The following ATAD1 variants were observed in gnomAD, a reference collection of about 807,000 sequenced individuals.
ATAD1 encodes outer mitochondrial transmembrane helix translocase.
Under a neutral mutation model 42.7 loss-of-function variants are expected in ATAD1, and 18 were observed. The observed-to-expected ratio is 0.42, with a 90% CI of 0.29 to 0.63. ATAD1 has a LOEUF of 0.63. Ranked by LOEUF, ATAD1 falls within the 20% of genes least tolerant of loss-of-function variation. The pLI is 0.19. For synonymous variants in ATAD1, 132 were observed against 143.1 expected, an observed-to-expected ratio of 0.92 and a Z score of 0.55; for missense variants, 294 against 440.4, an observed-to-expected ratio of 0.67 and a Z score of 2.98.
chr10:87,832,809 T>A (rs924332302), intron 1 of ATAD1: 2 of 152,224 alleles, frequency 1.3e-5, no homozygotes, highest in Non-Finnish European at 2.9e-5. Context: ...TTCAGTTTTC[T>A]TTCTTTCCAG....
chr10:87,830,144 G>A (rs1857802251), intron 1 of ATAD1, among the ~76,000 whole-genome samples: 1 of 152,166 alleles, frequency 6.6e-6, no homozygotes, highest in Admixed American at 6.5e-5. Context: ...GCCAAGGCTT[G>A]CAAATGTGAT....
At chr10:87,791,881 CAA>C (rs967119295) in intron 3 of ATAD1, among the ~76,000 whole-genome samples, 1 of 152,088 alleles carries the variant, frequency 6.6e-6, no homozygotes, top group African/African-American at 2.4e-5. Flanking sequence ...AACTGAGACT[CAA>C]AGAGGAAATC....
chr10:87,825,889 T>A (rs1182823401), intron 1 of ATAD1, among the ~76,000 whole-genome samples: 1 of 152,112 alleles, frequency 6.6e-6, no homozygotes, highest in Admixed American at 6.6e-5. Flanking sequence ...TTTTTTTGTT[T>A]AATTTACTAT....
In ATAD1 at chr10:87,792,795, T is replaced by G. The variant is rs768189320; in HGVS notation, c.163-40A>C. ...ACAAACAACCTGCTTTGATTTGATA[T>G]TTAGATACTGGCACTTCGAAATAGA... On this transcript the variant is annotated intron_variant, in intron 2 of 9. Coordinates refer to ENST00000680024, the MANE Select transcript of ATAD1 (RefSeq NM_001321967.2). 12 of 1,436,744 alleles carry G rather than the reference T, an allele frequency of 8.4e-6. No homozygotes were observed. The South Asian group carries it at 1.4e-4, about 16-fold the overall frequency. The allele number at this position is 1,436,744 out of a possible 1,614,324, so 89.0% of individuals were successfully genotyped here.
chr10:87,773,440 C>A (rs779759387), intron 6 of ATAD1, among the ~76,000 whole-genome samples: 1 of 152,104 alleles, frequency 6.6e-6, no homozygotes, highest in Non-Finnish European at 1.5e-5. Context: ...TCTTCATAAT[C>A]ATAGAAAAGA....
chr10:87,786,395 T>C (rs1855834957), intron 4 of ATAD1, among the ~76,000 whole-genome samples: 1 of 152,252 alleles, frequency 6.6e-6, no homozygotes, highest in African/African-American at 2.4e-5. Context: ...ATTATTCATC[T>C]ATCACTTGGA....
intron 5 of ATAD1, among the ~76,000 whole-genome samples, chr10:87,780,204 G>A (rs1361668150): frequency 6.6e-6 from 1 of 152,150 alleles, no homozygotes; most frequent in African/African-American, 2.4e-5. Context: ...AAAGAAGCCA[G>A]TCTGAAAAGA....
intron 5 of ATAD1, among the ~76,000 whole-genome samples, chr10:87,783,542 C>T (rs1855671269): frequency 6.6e-6 from 1 of 151,890 alleles, no homozygotes; most frequent in Non-Finnish European, 1.5e-5. Context: ...TACATATTTA[C>T]ATAGCCTATC....
At chr10:87,783,055 A>G (rs2131877318) in intron 5 of ATAD1, among the ~76,000 whole-genome samples, 1 of 152,272 alleles carries the variant, frequency 6.6e-6, no homozygotes, top group Non-Finnish European at 1.5e-5. Flanking sequence ...CTTCCCAGTT[A>G]AAGAGAAGCT....
intron 7 of ATAD1, among the ~76,000 whole-genome samples, chr10:87,768,859 G>A (rs1042299582): frequency 6.6e-6 from 1 of 152,168 alleles, no homozygotes; most frequent in East Asian, 1.9e-4. Flanking sequence ...AAAGGTAGGA[G>A]GGTCCCTTGA....
At chr10:87,834,279 A>G (rs566877814) in intron 1 of ATAD1, among the ~76,000 whole-genome samples, 1 of 152,232 alleles carries the variant, frequency 6.6e-6, no homozygotes, top group East Asian at 1.9e-4. Flanking sequence ...TGGCTTTGGT[A>G]TCAATAATGC....
intron 1 of ATAD1, among the ~76,000 whole-genome samples, chr10:87,838,746 C>G (rs1042439006): frequency 6.6e-5 from 10 of 152,098 alleles, no homozygotes; most frequent in African/African-American, 1.9e-4. Flanking sequence ...TTCTCTCTCT[C>G]TCTCTCTCTC....
chr10:87,794,226 T>C (rs1034633061), intron 2 of ATAD1, among the ~76,000 whole-genome samples: 2 of 152,086 alleles, frequency 1.3e-5, no homozygotes, highest in African/African-American at 4.8e-5. Context: ...TCATAAGAAT[T>C]TTTAAAAAGT....
At chr10:87,773,656 TA>T (rs965772471) in intron 6 of ATAD1, among the ~76,000 whole-genome samples, 33 of 152,164 alleles carry the variant, frequency 2.2e-4, no homozygotes, top group African/African-American at 7.0e-4. Flanking sequence ...ATTAGTGCAA[TA>T]AGGAATTTTG....
intron 1 of ATAD1, among the ~76,000 whole-genome samples, chr10:87,827,691 T>C (rs1857754612): frequency 6.6e-6 from 1 of 152,210 alleles, no homozygotes; most frequent in Non-Finnish European, 1.5e-5. Context: ...CCAGTCATTC[T>C]CCTGTCCCTA....
intron 4 of ATAD1, among the ~76,000 whole-genome samples, chr10:87,787,067 T>C (rs946463738): frequency 6.6e-6 from 1 of 152,184 alleles, no homozygotes; most frequent in African/African-American, 2.4e-5. Flanking sequence ...TTTCCTAAAA[T>C]GGTCTCCACA....
At chr10:87,788,223 G>A (rs1353400023) in intron 4 of ATAD1, among the ~76,000 whole-genome samples, 2 of 152,148 alleles carry the variant, frequency 1.3e-5, no homozygotes, top group Non-Finnish European at 1.5e-5. Context: ...TCTTTTTGTA[G>A]TCTGTGTGAA....
chr10:87,817,697 T>C (rs1857485635), intron 1 of ATAD1: 1 of 981,424 alleles, frequency 1.0e-6, no homozygotes, highest in Non-Finnish European at 1.2e-6. Context: ...GGGCAGGTTA[T>C]TATTAACATC....
chr10:87,786,107 C>T (rs1855820865), intron 4 of ATAD1, among the ~76,000 whole-genome samples: 1 of 152,144 alleles, frequency 6.6e-6, no homozygotes, highest in South Asian at 2.1e-4. Context: ...GAATAGTAAT[C>T]TAAAACCACC....
Sources: allele counts gnomAD v4.1 joint callset (sites outside exome capture counted in the v4.1 genomes callset), GRCh38; gene constraint gnomAD v4.1.1; transcripts MANE v1.5; gene names NCBI Gene and HGNC (gene_info 2026-07-23, HGNC 2026-07-21).